TFDP2: variants seen among roughly 807,000 people sequenced by gnomAD.
The protein encoded by TFDP2 is transcription factor Dp-2 (E2F dimerization partner 2).
Under a neutral mutation model 59.3 loss-of-function variants are expected in TFDP2, and 17 were observed. The observed-to-expected ratio is 0.29, with a 90% CI of 0.20 to 0.43. The LOEUF (loss-of-function observed/expected upper bound fraction) is 0.43. Ranked by LOEUF, TFDP2 falls within the 20% of genes least tolerant of loss-of-function variation. The probability of loss-of-function intolerance (pLI) is 1.00; values close to 1 mark genes in which losing one functional copy is unlikely to be tolerated. For missense variants in TFDP2, 391 were observed against 528.8 expected, an observed-to-expected ratio of 0.74 and a Z score of 2.56; for synonymous variants, 180 against 194.7, an observed-to-expected ratio of 0.92 and a Z score of 0.63.
At position 142,076,517 on chromosome 3, in the gene TFDP2, G is replaced by GA. The variant is rs551677542; in HGVS notation, c.82+16543dup. ...AAATGTTTCAAGTTTAAGGCAAGAT[G>GA]AAAAAAAATGAAACATAGAAATAAT... is the stretch of plus-strand genomic sequence containing the variant. On this transcript the variant is annotated intron_variant, in intron 3 of 12. Transcript: ENST00000489671. 3.6e-3 allele frequency among the ~76,000 whole-genome samples: 538 copies of GA among 151,410 alleles called. 3 individuals are homozygous for GA. The highest frequency in any genetic ancestry group is 6.8e-3 in the Middle Eastern group (2 of 294).
intron 3 of TFDP2, among the ~76,000 whole-genome samples, chr3:142,088,854 G>A (rs1159330422): frequency 2.0e-5 from 3 of 150,558 alleles, no homozygotes; most frequent in South Asian, 2.1e-4. Flanking sequence ...TTTTGACGGA[G>A]TCTTGCTCTG....
chr3:142,043,837 T>C (rs1947161877), intron 3 of TFDP2: 21 of 1,503,716 alleles, frequency 1.4e-5, no homozygotes, highest in Non-Finnish European at 1.9e-5. Flanking sequence ...TCCCTTCACC[T>C]TCAGGTACAG....
At position 142,133,584 on chromosome 3, in the gene TFDP2, G is replaced by A. The variant is rs563847107; in HGVS notation, c.-93+15599C>T. Among the ~76,000 whole-genome samples the A allele has an allele frequency of 4.2e-4, 59 of 141,024 alleles. 1 individual carries two copies. The highest frequency in any genetic ancestry group is 3.4e-3 in the Middle Eastern group (1 of 290). The allele number at this position is 141,024 out of a possible 152,430, so 92.5% of individuals were successfully genotyped here. On this transcript the variant is annotated intron_variant, in intron 1 of 12. Transcript: ENST00000489671. ...ACAATCTTGGCTCACTGCAGCCTCC[G>A]CCTCCCAGGTTCAAGTGATTCTTGT...
intron 3 of TFDP2, among the ~76,000 whole-genome samples, chr3:142,054,687 A>G (rs1167425769): frequency 6.6e-6 from 1 of 151,942 alleles, no homozygotes; most frequent in African/African-American, 2.4e-5. Context: ...TTCAAATCCC[A>G]GCTGATTTGT....
intron 1 of TFDP2, among the ~76,000 whole-genome samples, chr3:142,136,347 A>C (rs2062737759): frequency 6.6e-6 from 1 of 152,006 alleles, no homozygotes; most frequent in South Asian, 2.1e-4. Context: ...CTGATGAAAA[A>C]AAATTTTCTC....
chr3:142,124,956 G>A (rs1398898427), intron 1 of TFDP2, among the ~76,000 whole-genome samples: 2 of 152,258 alleles, frequency 1.3e-5, no homozygotes, highest in East Asian at 1.9e-4. Flanking sequence ...AGTGCTCTGG[G>A]ACGCCAAGGT....
At chr3:142,084,561 T>C (rs1457460455) in intron 3 of TFDP2, among the ~76,000 whole-genome samples, 3 of 152,148 alleles carry the variant, frequency 2.0e-5, no homozygotes, top group South Asian at 2.1e-4. Context: ...AGCCAAGATT[T>C]AGAAGCAATC....
chr3:142,023,270 C>T (rs564170869), intron 3 of TFDP2, among the ~76,000 whole-genome samples: 8 of 151,182 alleles, frequency 5.3e-5, no homozygotes, highest in South Asian at 2.1e-4. Flanking sequence ...CCGTAACCTC[C>T]GCCTCCCGCG....
rs759911226 is a variant in TFDP2 at position 141,995,060 on chromosome 3, T to C, written c.268A>G (p.Thr90Ala). 6.2e-7 allele frequency: 1 copy of C among 1,610,562 alleles called. No individual in the cohort carries two copies. Among genetic ancestry groups the C allele is most frequent in the Admixed American group, 1.7e-5 (1 of 59,836 alleles). Reference protein sequence around the residue: ...SPYTPAPAMVTQTHIAEATGW... With the variant: ...SPYTPAPAMVAQTHIAEATGW... ...GTAGCTTCTGCTATGTGTGTCTGAG[T>C]AACCATTGCTGGTGCAGGGGTATAT... The change falls in exon 5 of 13, where the codon ACT becomes GCT. Residue 90 changes from threonine (T) to alanine (A), a missense_variant. Physicochemically the swap from Thr to Ala is moderately conservative, Grantham distance 58. This residue lies in a region of TFDP2 where 162 missense variants were observed against 206.8 expected (regional missense o/e 0.78). Coordinates refer to ENST00000489671, the MANE Select transcript of TFDP2 (RefSeq NM_001178139.2).
intron 6 of TFDP2, among the ~76,000 whole-genome samples, chr3:141,986,265 G>A (rs1297879364): frequency 1.3e-5 from 2 of 152,184 alleles, no homozygotes. Flanking sequence ...TTCTTCCTGA[G>A]TTTTTAAATG....
chr3:142,058,810 T>A (rs2059824956), intron 3 of TFDP2, among the ~76,000 whole-genome samples: 1 of 152,132 alleles, frequency 6.6e-6, no homozygotes, highest in Admixed American at 6.6e-5. Context: ...TTTATGGGGT[T>A]TTATAGAGGT....
At chr3:141,994,735 T>C (rs892314437) in intron 5 of TFDP2, 4 of 221,466 alleles carry the variant, frequency 1.8e-5, no homozygotes, top group African/African-American at 9.1e-5. Context: ...TTTTTATATC[T>C]CCAAAGCAGT....
In TFDP2 at chr3:141,963,945, G is replaced by A. The variant is rs1042007936; in HGVS notation, c.751C>T (p.Leu251=). Residue 251 remains leucine, a synonymous_variant, in exon 10 of 13, where the codon CTG becomes TTG. Transcript: ENST00000489671. ...TCATTTTGTCGATTTCTCTGTACCA[G>A]GTTTTTGAAAGCGATTTGCTGTAAT... is the stretch of plus-strand genomic sequence containing the variant. ...LLLQQIAFKN[L]VQRNRQNEQQ... 1.9e-6 allele frequency: 3 copies of A among 1,613,106 alleles called. No homozygotes were observed. The highest frequency in any genetic ancestry group is 1.3e-5 in the African/African-American group (1 of 74,812).
chr3:141,994,759 A>T (rs1177226402), intron 5 of TFDP2: 2 of 271,062 alleles, frequency 7.4e-6, no homozygotes, highest in East Asian at 1.3e-4. Context: ...ATATTATAAT[A>T]ATAAAAGTAG....
At chr3:141,989,945 G>A (rs893932533) in intron 6 of TFDP2, among the ~76,000 whole-genome samples, 1 of 151,642 alleles carries the variant, frequency 6.6e-6, no homozygotes, top group Admixed American at 6.6e-5. Flanking sequence ...CGGGGCTGGA[G>A]TGCAGTGGCA....
intron 1 of TFDP2, among the ~76,000 whole-genome samples, chr3:142,127,469 G>C (rs2062318127): frequency 6.6e-6 from 1 of 151,722 alleles, no homozygotes; most frequent in South Asian, 2.1e-4. Context: ...ACTAGGCCCA[G>C]CAAATTTTTG....
intron 3 of TFDP2, among the ~76,000 whole-genome samples, chr3:142,011,566 T>C (rs1199139296): frequency 2.5e-5 from 3 of 122,362 alleles, no homozygotes; most frequent in African/African-American, 9.5e-5. Flanking sequence ...AAGGTGCACA[T>C]GTACCCTAAA....
At chr3:141,970,799 C>T (rs187112278) in intron 8 of TFDP2, among the ~76,000 whole-genome samples, 7 of 152,162 alleles carry the variant, frequency 4.6e-5, no homozygotes, top group African/African-American at 1.7e-4. Flanking sequence ...TGGTGGCTCA[C>T]GCCTGTAATC....
intron 1 of TFDP2, among the ~76,000 whole-genome samples, chr3:142,104,113 C>T (rs1047897273): frequency 4.6e-5 from 7 of 152,110 alleles, no homozygotes; most frequent in South Asian, 2.1e-4. Flanking sequence ...ATTTAAAAAT[C>T]GAAGTAAAAC....
Sources: allele counts gnomAD v4.1 joint callset (sites outside exome capture counted in the v4.1 genomes callset), GRCh38; gene constraint gnomAD v4.1.1; regional missense constraint gnomAD v4.1.1; transcripts MANE v1.5; gene names NCBI Gene and HGNC (gene_info 2026-07-23, HGNC 2026-07-21).